CLSTN2: variants seen among roughly 807,000 people sequenced by gnomAD.
The protein encoded by CLSTN2 is calsyntenin-2.
In CLSTN2, 48 loss-of-function variants were observed where a neutral mutation model predicts 101.2. The ratio of observed to expected loss-of-function variants is 0.47; its 90% CI spans 0.38 to 0.60. The LOEUF (loss-of-function observed/expected upper bound fraction) is 0.60. Among genes scored for constraint, CLSTN2 ranks in the 20% least tolerant of loss-of-function variants. The pLI is 0.00. For missense variants in CLSTN2, 1,160 were observed against 1,238.2 expected, an observed-to-expected ratio of 0.94 and a Z score of 0.95; for synonymous variants, 481 against 463.6, an observed-to-expected ratio of 1.04 and a Z score of -0.48.
At chr3:140,135,117 C>CACAT (rs1488268767) in intron 1 of CLSTN2, among the ~76,000 whole-genome samples, 34 of 58,118 alleles carry the variant, frequency 5.9e-4, no homozygotes, top group East Asian at 9.0e-4. Context: ...CACACACACA[C>CACAT]ATATATATAT....
intron 1 of CLSTN2, among the ~76,000 whole-genome samples, chr3:140,135,223 G>T (rs1029137882): frequency 6.2e-5 from 9 of 145,762 alleles, no homozygotes; most frequent in African/African-American, 2.3e-4. Flanking sequence ...GCATATCAAA[G>T]ACTTTCATAT....
chr3:140,030,994 G>A (rs993100716), intron 1 of CLSTN2, among the ~76,000 whole-genome samples: 7 of 152,212 alleles, frequency 4.6e-5, no homozygotes, highest in East Asian at 1.9e-4. Flanking sequence ...GGGGAGGTGC[G>A]TTTGCTTTGA....
rs1051889891 is a variant in CLSTN2 at position 140,572,093 on chromosome 3, G to C, written c.*5840G>C. 1 of 152,316 alleles carries C rather than the reference G, an allele frequency of 6.6e-6. No individual in the cohort carries two copies. Among genetic ancestry groups the C allele is most frequent in the Non-Finnish European group, 1.5e-5 (1 of 68,124 alleles). The allele number at this position is 152,316 out of a possible 1,614,324, so 9.4% of individuals were successfully genotyped here. A position where few individuals can be genotyped will look rare whatever the true frequency, so the allele number is the denominator to read the frequency against. On this transcript the variant is annotated 3_prime_UTR_variant, in exon 17 of 17. Transcript: ENST00000458420. ...CTGTGAGCTGTTGGGATGTCCCTTT[G>C]TGGTGTTGGAAGCTGTGCACGAGCA...
intron 1 of CLSTN2, among the ~76,000 whole-genome samples, chr3:140,010,895 C>A (rs142558150): frequency 5.9e-5 from 9 of 152,290 alleles, no homozygotes; most frequent in African/African-American, 2.2e-4. Flanking sequence ...ACAAGAAGGG[C>A]CCTTTTATAT....
At chr3:140,305,406 A>G (rs1429990343) in intron 2 of CLSTN2, among the ~76,000 whole-genome samples, 1 of 152,208 alleles carries the variant, frequency 6.6e-6, no homozygotes, top group Non-Finnish European at 1.5e-5. Flanking sequence ...CTGTGTGTAT[A>G]GTGTGGTGGG....
chr3:140,327,672 A>G (rs1042142503), intron 2 of CLSTN2, among the ~76,000 whole-genome samples: 3 of 152,328 alleles, frequency 2.0e-5, no homozygotes, highest in African/African-American at 7.2e-5. Flanking sequence ...GTCAACCATC[A>G]TGAACCTCAG....
intron 2 of CLSTN2, among the ~76,000 whole-genome samples, chr3:140,224,633 A>C (rs2086303045): frequency 6.6e-6 from 1 of 152,150 alleles, no homozygotes; most frequent in African/African-American, 2.4e-5. Context: ...AGGTTATAAA[A>C]ATTTTATTAT....
chr3:140,512,327 C>T (rs189331126), intron 8 of CLSTN2, among the ~76,000 whole-genome samples: 56 of 151,696 alleles, frequency 3.7e-4, no homozygotes, highest in African/African-American at 1.3e-3. Flanking sequence ...CTATAGTTTT[C>T]TGCATATGGC....
intron 4 of CLSTN2, among the ~76,000 whole-genome samples, chr3:140,411,784 C>T (rs149070214): frequency 1.2e-3 from 185 of 152,286 alleles, no homozygotes; most frequent in African/African-American, 3.9e-3. Context: ...AGGATCCCTT[C>T]GAGGCAGCCT....
chr3:140,125,826 G>A (rs1013317463), intron 1 of CLSTN2, among the ~76,000 whole-genome samples: 2 of 152,064 alleles, frequency 1.3e-5, no homozygotes, highest in African/African-American at 4.8e-5. Flanking sequence ...AGGAGAAAGA[G>A]CACAATCCAA....
At chr3:140,318,339 A>C (rs1162033529) in intron 2 of CLSTN2, among the ~76,000 whole-genome samples, 2 of 152,182 alleles carry the variant, frequency 1.3e-5, no homozygotes, top group Non-Finnish European at 2.9e-5. Context: ...GATGAATCCC[A>C]ATGGTTGTGG....
intron 5 of CLSTN2, among the ~76,000 whole-genome samples, chr3:140,439,156 G>A (rs985976830): frequency 1.3e-5 from 2 of 152,228 alleles, no homozygotes; most frequent in Admixed American, 6.5e-5. Context: ...GCATGGGGAA[G>A]GCCAAAGCCT....
intron 2 of CLSTN2, among the ~76,000 whole-genome samples, chr3:140,311,855 G>C (rs1050738833): frequency 1.3e-5 from 2 of 152,098 alleles, no homozygotes; most frequent in Non-Finnish European, 2.9e-5. Flanking sequence ...GTAGATGGAG[G>C]AACAAACTTT....
At chr3:139,991,846 C>G (rs567856643) in intron 1 of CLSTN2, among the ~76,000 whole-genome samples, 3 of 152,234 alleles carry the variant, frequency 2.0e-5, no homozygotes, top group Admixed American at 1.3e-4. Flanking sequence ...TATATAGCCT[C>G]TGTCTCTCAG....
At chr3:140,043,569 T>A (rs1165747210) in intron 1 of CLSTN2, among the ~76,000 whole-genome samples, 1 of 152,242 alleles carries the variant, frequency 6.6e-6, no homozygotes, top group African/African-American at 2.4e-5. Flanking sequence ...TTGCCATTGC[T>A]TTTGGTGTTT....
At chr3:140,145,570 A>C (rs894280073) in intron 1 of CLSTN2, among the ~76,000 whole-genome samples, 1 of 152,254 alleles carries the variant, frequency 6.6e-6, no homozygotes, top group Non-Finnish European at 1.5e-5. Flanking sequence ...CCATCTCGGC[A>C]GACACTGGTG....
intron 2 of CLSTN2, among the ~76,000 whole-genome samples, chr3:140,189,461 C>T (rs1439700686): frequency 2.0e-5 from 3 of 152,094 alleles, no homozygotes; most frequent in South Asian, 4.1e-4. Flanking sequence ...TATGTATTAT[C>T]TCATTGTGGT....
chr3:140,525,758 C>G (rs984727938), intron 8 of CLSTN2, among the ~76,000 whole-genome samples: 1 of 152,142 alleles, frequency 6.6e-6, no homozygotes, highest in African/African-American at 2.4e-5. Context: ...TCCTGGGATG[C>G]AAGGTTGATT....
chr3:140,020,534 C>A (rs1895857), intron 1 of CLSTN2, among the ~76,000 whole-genome samples: 1 of 152,158 alleles, frequency 6.6e-6, no homozygotes, highest in African/African-American at 2.4e-5. Context: ...GTGAGGGAGA[C>A]CTGTCTGTAG....
Sources: gnomAD v4.1 joint callset for allele counts (sites outside exome capture counted in the v4.1 genomes callset) on GRCh38, gnomAD v4.1.1 for gene constraint, MANE v1.5 for transcripts, NCBI Gene and HGNC (gene_info 2026-07-23, HGNC 2026-07-21) for gene names.